The following RETREG1 variants were observed in gnomAD, a reference collection of about 807,000 sequenced individuals.
RETREG1 encodes the protein family with sequence similarity 134 member B.
A neutral mutation model predicts 54.8 loss-of-function variants in RETREG1; 44 were observed. The ratio of observed to expected loss-of-function variants is 0.80; its 90% CI spans 0.63 to 1.03. The LOEUF is 1.03. RETREG1 is among the 50% of genes least tolerant of loss of function. The pLI, the probability that RETREG1 is intolerant of heterozygous loss-of-function variation, is 0.00. For synonymous variants in RETREG1, 217 were observed against 238.5 expected (o/e 0.91, Z 0.83); for missense variants, 554 against 605.1 (o/e 0.92, Z 0.89).
At chr5:16,608,960 G>A (rs1019581834) in intron 1 of RETREG1, among the ~76,000 whole-genome samples, 1 of 152,086 alleles carries the variant, frequency 6.6e-6, no homozygotes, top group African/African-American at 2.4e-5. Context: ...TTGAATTTAG[G>A]GAAAATGGAC....
At chr5:16,487,595 A>G (rs892853387) in intron 3 of RETREG1, among the ~76,000 whole-genome samples, 1 of 152,236 alleles carries the variant, frequency 6.6e-6, no homozygotes, top group East Asian at 1.9e-4. Context: ...TGACTCCCAA[A>G]AAAGCCCCAG....
At chr5:16,531,996 G>A (rs536870783) in intron 3 of RETREG1, among the ~76,000 whole-genome samples, 3 of 152,270 alleles carry the variant, frequency 2.0e-5, no homozygotes, top group Admixed American at 2.0e-4. Flanking sequence ...GACATTGCTG[G>A]AATAGAGAAA....
At chr5:16,606,351 C>G (rs1160538749) in intron 1 of RETREG1, among the ~76,000 whole-genome samples, 1 of 152,148 alleles carries the variant, frequency 6.6e-6, no homozygotes, top group African/African-American at 2.4e-5. Context: ...ATTCAATCTC[C>G]CCAACACTCT....
At chr5:16,491,560 T>C (rs1248936972) in intron 3 of RETREG1, among the ~76,000 whole-genome samples, 1 of 152,172 alleles carries the variant, frequency 6.6e-6, no homozygotes, top group Non-Finnish European at 1.5e-5. Flanking sequence ...TTCTATACAT[T>C]ACGTGTTGGT....
chr5:16,486,433 A>C (rs1442535584), intron 3 of RETREG1, among the ~76,000 whole-genome samples: 1 of 152,236 alleles, frequency 6.6e-6, no homozygotes. Flanking sequence ...TCTTCCAGTG[A>C]GTTTACCATT....
chr5:16,493,290 G>A (rs570586841), intron 3 of RETREG1, among the ~76,000 whole-genome samples: 1 of 152,270 alleles, frequency 6.6e-6, no homozygotes, highest in African/African-American at 2.4e-5. Context: ...CTATGAACAA[G>A]ATGCCAAGTA....
chr5:16,520,138 G>A lies in RETREG1; in HGVS notation c.459-36666C>T, dbSNP rs549880083. 2.6e-4 allele frequency among the ~76,000 whole-genome samples: 39 copies of A among 152,264 alleles called. 1 individual carries two copies. In the South Asian group the frequency reaches 7.9e-3, roughly 31 times the overall value. ...AGCCCGGTGGGAGAGAAGGCCAGGA[G>A]AGCAGGACATGGACTTGCAAAAGTC... On this transcript the variant is annotated intron_variant, in intron 3 of 8. Transcript: ENST00000306320.
chr5:16,488,489 CAG>C (rs763610744), intron 3 of RETREG1, among the ~76,000 whole-genome samples: 2 of 152,072 alleles, frequency 1.3e-5, no homozygotes, highest in Non-Finnish European at 2.9e-5. Flanking sequence ...GACCCAGTGC[CAG>C]AGAGTAGAGC....
chr5:16,538,543 A>T (rs1369184599), intron 3 of RETREG1, among the ~76,000 whole-genome samples: 1 of 152,158 alleles, frequency 6.6e-6, no homozygotes, highest in Non-Finnish European at 1.5e-5. Context: ...CATTTTAAAG[A>T]TGAGCGCAGG....
In RETREG1 at chr5:16,616,644, GCTCT is replaced by G; in HGVS notation, c.320+4_320+7del. ...TCCTCAGCGCCCCCACCTTGCCCAAGCTCTCACCAGAACAGCAGGTTGGCAGCGA... is the reference window on the plus strand; with the variant it reads ...TCCTCAGCGCCCCCACCTTGCCCAAGCACCAGAACAGCAGGTTGGCAGCGA... On this transcript the variant is annotated splice_donor_5th_base_variant and intron_variant, in intron 1 of 8. Transcript: ENST00000306320. 1.9e-6 allele frequency: 3 copies of G among 1,588,580 alleles called. No homozygotes were observed. Among genetic ancestry groups the G allele is most frequent in the Non-Finnish European group, 2.6e-6 (3 of 1,173,634 alleles).
intron 3 of RETREG1, among the ~76,000 whole-genome samples, chr5:16,528,503 A>G (rs968583023): frequency 9.2e-5 from 14 of 152,266 alleles, no homozygotes; most frequent in African/African-American, 3.1e-4. Context: ...TCTGGATGAC[A>G]TGGAGGCCAG....
At chr5:16,587,075 C>T (rs992433094) in intron 1 of RETREG1, among the ~76,000 whole-genome samples, 2 of 152,128 alleles carry the variant, frequency 1.3e-5, no homozygotes, top group African/African-American at 2.4e-5. Flanking sequence ...CATAAGAATG[C>T]GGGGACAAAA....
chr5:16,540,281 T>G (rs1159449033), intron 3 of RETREG1, among the ~76,000 whole-genome samples: 1 of 152,244 alleles, frequency 6.6e-6, no homozygotes, highest in African/African-American at 2.4e-5. Context: ...ACTTGTAAAT[T>G]GCCTAACAGC....
At chr5:16,511,649 C>G (rs1309664185) in intron 3 of RETREG1, among the ~76,000 whole-genome samples, 1 of 152,054 alleles carries the variant, frequency 6.6e-6, no homozygotes, top group South Asian at 2.1e-4. Flanking sequence ...AGTCCAGCCC[C>G]GTATTACTAT....
intron 1 of RETREG1, among the ~76,000 whole-genome samples, chr5:16,601,817 A>C (rs1046706972): frequency 6.6e-6 from 1 of 152,234 alleles, no homozygotes; most frequent in Non-Finnish European, 1.5e-5. Context: ...GAGGTCTATC[A>C]GTTTGAAATA....
intron 3 of RETREG1, among the ~76,000 whole-genome samples, chr5:16,529,813 T>C (rs1740855955): frequency 6.6e-6 from 1 of 152,168 alleles, no homozygotes; most frequent in African/African-American, 2.4e-5. Flanking sequence ...TAGGTGCCCT[T>C]TTGGTACATA....
At chr5:16,555,006 C>CT (rs1741666131) in intron 3 of RETREG1, among the ~76,000 whole-genome samples, 1 of 152,180 alleles carries the variant, frequency 6.6e-6, no homozygotes, top group East Asian at 1.9e-4. Flanking sequence ...AAACTGGACT[C>CT]TCCCTGGCCC....
chr5:16,483,780 T>C (rs1011027393), intron 3 of RETREG1, among the ~76,000 whole-genome samples: 1 of 152,076 alleles, frequency 6.6e-6, no homozygotes, highest in African/African-American at 2.4e-5. Flanking sequence ...AGCAGGTTAA[T>C]CATAGGGTTC....
intron 1 of RETREG1, among the ~76,000 whole-genome samples, chr5:16,574,172 G>A (rs992353721): frequency 8.2e-5 from 12 of 145,678 alleles, no homozygotes; most frequent in Non-Finnish European, 1.5e-4. Flanking sequence ...GAAAGGGTGA[G>A]GTACCTGTGG....
Sources: allele counts gnomAD v4.1 joint callset (sites outside exome capture counted in the v4.1 genomes callset), GRCh38; gene constraint gnomAD v4.1.1; transcripts MANE v1.5; gene names NCBI Gene and HGNC (gene_info 2026-07-23, HGNC 2026-07-21).